Variants in FCN2 observed in about 807,000 individuals in gnomAD.
The protein encoded by FCN2 is ficolin-2.
A neutral mutation model predicts 32.5 loss-of-function variants in FCN2; 31 were observed. The ratio of observed to expected loss-of-function variants is 0.96; its 90% CI spans 0.72 to 1.29. The LOEUF is 1.29. FCN2 is among the 50% of genes most tolerant of loss of function. The pLI, the probability that FCN2 is intolerant of heterozygous loss-of-function variation, is 0.00. For synonymous variants in FCN2, 181 were observed against 164.5 expected (o/e 1.10, Z -0.77); for missense variants, 412 against 406.5 (o/e 1.01, Z -0.12).
chr9:134,884,893 TG>T, intron 4 of FCN2, 121 bp downstream of exon 4: 1 of 951,388 alleles, frequency 1.1e-6, no homozygotes, highest in South Asian at 1.4e-5. Context: ...AATGGTTGCT[TG>T]CCCGTTTCCT....
chr9:134,886,187 A>G (rs1830752351), intron 6 of FCN2, among the ~76,000 whole-genome samples: 1 of 152,100 alleles, frequency 6.6e-6, no homozygotes, highest in Non-Finnish European at 1.5e-5. Flanking sequence ...CCCATAGTGG[A>G]GTTTGGGCCC....
chr9:134,874,366 C>A, the FCN2 span, among the ~76,000 whole-genome samples: 55 of 152,258 alleles, frequency 3.6e-4, 1 homozygote, highest in East Asian at 5.4e-3. Context: ...CCACTGAGAG[C>A]TATGATCTAT....
chr9:134,873,440 A>G, the FCN2 span, among the ~76,000 whole-genome samples: 6 of 152,018 alleles, frequency 3.9e-5, no homozygotes, highest in African/African-American at 7.3e-5. Flanking sequence ...TATGTCTCCA[A>G]TCTTGGCTTC....
rs1380713682 is a variant in FCN2 at position 134,884,829 on chromosome 9, C to T, written c.301+57C>T. ...CTTGTGGCTGCCCTTGGCTGGAAGT[C>T]CAGGGTCATACGACGCCATTGCCAG... On this transcript the variant is annotated intron_variant, in intron 4 of 7. Transcript: ENST00000291744. 3 of 1,529,964 alleles carry T rather than the reference C, an allele frequency of 2.0e-6. 1 individual carries two copies. In the South Asian group the frequency reaches 3.4e-5, roughly 17 times the overall value. 94.8% of individuals were successfully genotyped at this position (1,529,964 alleles called of 1,614,324 possible). A position where few individuals can be genotyped will look rare whatever the true frequency, so the allele number is the denominator to read the frequency against.
At chr9:134,873,658 T>C in the FCN2 span, among the ~76,000 whole-genome samples, 364 of 152,350 alleles carry the variant, frequency 2.4e-3, no homozygotes, top group Admixed American at 5.0e-3. Context: ...AAATATATTC[T>C]CTGAGTCTGT....
intron 1 of FCN2, 23 bp downstream of exon 1, chr9:134,880,944 T>C: frequency 2.6e-6 from 4 of 1,564,234 alleles, no homozygotes; most frequent in Non-Finnish European, 3.5e-6. Context: ...CAGGGCCTCC[T>C]CCTGGAAACT....
intron 1 of FCN2, among the ~76,000 whole-genome samples, chr9:134,881,515 C>A (rs77021007): frequency 1.3e-5 from 2 of 152,136 alleles, no homozygotes; most frequent in African/African-American, 2.4e-5. Context: ...TGGGCTCCGG[C>A]GCATGCGAGG....
At chr9:134,882,846 C>T (rs1352208828) in intron 2 of FCN2, among the ~76,000 whole-genome samples, 3 of 152,194 alleles carry the variant, frequency 2.0e-5, no homozygotes, top group Admixed American at 1.3e-4. Flanking sequence ...CACATTTGGA[C>T]ATGCTTCTGT....
upstream of FCN2, among the ~76,000 whole-genome samples, chr9:134,879,574 C>T (rs1830635341): frequency 6.6e-6 from 1 of 152,134 alleles, no homozygotes. Context: ...TCCATGGAGC[C>T]TGTGTCTTCC....
chr9:134,871,093 GTTGA>G, the FCN2 span, among the ~76,000 whole-genome samples: 2 of 152,188 alleles, frequency 1.3e-5, no homozygotes, highest in Non-Finnish European at 2.9e-5. Flanking sequence ...TGATTGATTG[GTTGA>G]TTGAGCGCTA....
chr9:134,881,115 C>T (rs1046768567), intron 1 of FCN2, among the ~76,000 whole-genome samples, 194 bp downstream of exon 1: 19 of 152,328 alleles, frequency 1.2e-4, no homozygotes, highest in South Asian at 6.2e-4. Flanking sequence ...ATCTCAGAGA[C>T]GGAGCTTCCT....
At chr9:134,886,385 G>A in intron 6 of FCN2, 45 bp from the exon 7 acceptor site, 1 of 1,612,742 alleles carries the variant, frequency 6.2e-7, no homozygotes, top group Non-Finnish European at 8.5e-7. Flanking sequence ...CATGTCTAAA[G>A]GTAGAGAGCC....
At chr9:134,883,772 C>T (rs1170906599) in intron 3 of FCN2, among the ~76,000 whole-genome samples, 1 of 110,916 alleles carries the variant, frequency 9.0e-6, no homozygotes, top group Non-Finnish European at 1.8e-5. Flanking sequence ...GAGGAGCTGT[C>T]AATATGGGGG....
chr9:134,873,819 G>A, the FCN2 span, among the ~76,000 whole-genome samples: 3 of 152,100 alleles, frequency 2.0e-5, no homozygotes, highest in Non-Finnish European at 4.4e-5. Context: ...CATTTGAACT[G>A]TGGCTTTCTT....
At chr9:134,877,266 C>T (rs368889013), upstream of FCN2, among the ~76,000 whole-genome samples, 3 of 152,304 alleles carry the variant, frequency 2.0e-5, 1 homozygote, top group African/African-American at 4.8e-5. Context: ...TTTTAGTGAA[C>T]ATTTCACACT....
chr9:134,874,969 G>A, the FCN2 span, among the ~76,000 whole-genome samples: 1 of 152,022 alleles, frequency 6.6e-6, no homozygotes, highest in African/African-American at 2.4e-5. Context: ...TATGGTAAAT[G>A]GTGTTTTAAT....
the FCN2 span, among the ~76,000 whole-genome samples, chr9:134,865,048 G>A: frequency 1.6e-4 from 25 of 152,362 alleles, no homozygotes; most frequent in East Asian, 4.8e-3. Flanking sequence ...CCTAGTCAGA[G>A]CCTGTGCCAC....
Position 134,887,453 on chromosome 9 carries a change from AG to A in FCN2, c.*39del, listed in dbSNP as rs1830778349. 2.5e-6 allele frequency: 4 copies of A among 1,597,858 alleles called. No homozygotes were observed. The highest frequency in any genetic ancestry group is 3.4e-6 in the Non-Finnish European group (4 of 1,166,320). On this transcript the variant is annotated 3_prime_UTR_variant, in exon 8 of 8. Transcript: ENST00000291744. ...TCAGGGTCAGGACGCCTCCACACAT[AG>A]TTGGTTGGGGGGTAGGGTTGGGAGC...
chr9:134,866,372 AAAAC>A, the FCN2 span, among the ~76,000 whole-genome samples: 1 of 140,976 alleles, frequency 7.1e-6, no homozygotes, highest in Non-Finnish European at 1.6e-5. Flanking sequence ...AAACCTGAGA[AAAAC>A]AAGCAATGGG....
Sources: allele counts gnomAD v4.1 joint callset (sites outside exome capture counted in the v4.1 genomes callset), GRCh38; gene constraint gnomAD v4.1.1; transcripts MANE v1.5; gene names NCBI Gene and HGNC (gene_info 2026-07-23, HGNC 2026-07-21).